The following NRG3 variants were observed in gnomAD, a reference collection of about 807,000 sequenced individuals.
NRG3 encodes the protein pro-neuregulin-3, membrane-bound isoform.
NRG3 carries 31 observed loss-of-function variants against 66.9 expected under a neutral mutation model. The ratio of observed to expected loss-of-function variants is 0.46; its 90% CI spans 0.35 to 0.63. The LOEUF is 0.63. Among genes scored for constraint, NRG3 ranks in the 20% least tolerant of loss-of-function variants. The pLI, the probability that NRG3 is intolerant of heterozygous loss-of-function variation, is 0.00. For synonymous variants in NRG3, 393 were observed against 359.4 expected (o/e 1.09, Z -1.06); for missense variants, 910 against 878.9 (o/e 1.04, Z -0.45).
intron 1 of NRG3, chr10:82,228,875 T>C (rs2076303837): frequency 6.6e-6 from 1 of 152,236 alleles, no homozygotes. Flanking sequence ...CCACTGAACG[T>C]GATGAAGCAA....
chr10:82,494,299 C>A (rs1843421722), intron 2 of NRG3, among the ~76,000 whole-genome samples: 1 of 152,168 alleles, frequency 6.6e-6, no homozygotes, highest in Non-Finnish European at 1.5e-5. Context: ...ACTTCTACCT[C>A]TCCTCCGCAA....
Position 82,985,927 on chromosome 10 carries a change from A to G in NRG3, c.*322A>G, listed in dbSNP as rs1008162970. On this transcript the variant is annotated 3_prime_UTR_variant, in exon 9 of 9. Transcript: ENST00000372141. ...CCCACAGTGCCAGTGTCTCATTAAA[A>G]AACACTGGCAGTTACCTGGTTTCAA... 2.5e-5 allele frequency: 5 copies of G among 202,644 alleles called. No individual in the cohort carries two copies. Among genetic ancestry groups the G allele is most frequent in the Non-Finnish European group, 5.0e-5 (5 of 100,546 alleles). 12.6% of individuals were successfully genotyped at this position (202,644 alleles called of 1,614,324 possible).
chr10:82,091,086 G>A (rs2065998918), intron 1 of NRG3, among the ~76,000 whole-genome samples: 1 of 151,780 alleles, frequency 6.6e-6, no homozygotes, highest in South Asian at 2.1e-4. Flanking sequence ...TTTCTCCTGA[G>A]GCAAAATTTT....
At chr10:81,973,956 G>T (rs1041761474) in intron 1 of NRG3, among the ~76,000 whole-genome samples, 2 of 151,992 alleles carry the variant, frequency 1.3e-5, no homozygotes, top group African/African-American at 4.8e-5. Context: ...AATTGCTTTT[G>T]GCATCTTCCT....
intron 2 of NRG3, among the ~76,000 whole-genome samples, chr10:82,626,694 AACATAC>A (rs2049447304): frequency 6.6e-6 from 1 of 152,152 alleles, no homozygotes; most frequent in African/African-American, 2.4e-5. Flanking sequence ...CACACCCTGC[AACATAC>A]ACACAGAATA....
intron 1 of NRG3, among the ~76,000 whole-genome samples, chr10:82,122,847 A>G (rs2068182846): frequency 6.6e-6 from 1 of 152,124 alleles, no homozygotes; most frequent in African/African-American, 2.4e-5. Flanking sequence ...TTCTGGCTCT[A>G]CAACCCAACT....
intron 1 of NRG3, among the ~76,000 whole-genome samples, chr10:82,001,967 C>G (rs1275011294): frequency 6.6e-6 from 1 of 152,088 alleles, no homozygotes; most frequent in East Asian, 1.9e-4. Context: ...TTGTTTGGAG[C>G]CCATTGCAAA....
rs1414761 is a variant in NRG3 at position 82,294,832 on chromosome 10, T to A, written c.824-63907T>A. ...ACTTGAGGAATGCAAATATTTGAGA[T>A]CTGCAGCTACAGACAAATCAATAGC... On this transcript the variant is annotated intron_variant, in intron 1 of 8. Transcript: ENST00000372141. Among the ~76,000 whole-genome samples, 722 of 152,332 alleles carry A rather than the reference T, an allele frequency of 4.7e-3. 6 individuals carry two copies. The highest frequency in any genetic ancestry group is 0.017 in the African/African-American group (692 of 41,582).
intron 1 of NRG3, among the ~76,000 whole-genome samples, chr10:81,960,480 A>G (rs1313313510): frequency 6.6e-6 from 1 of 152,126 alleles, no homozygotes; most frequent in African/African-American, 2.4e-5. Flanking sequence ...AAAGGTTTGT[A>G]ATTTTAATGT....
intron 6 of NRG3, among the ~76,000 whole-genome samples, chr10:82,972,370 C>T (rs566318248): frequency 6.6e-6 from 1 of 152,076 alleles, no homozygotes; most frequent in East Asian, 1.9e-4. Flanking sequence ...TTTTTCTTAT[C>T]AATATCTTCC....
chr10:82,742,025 T>C lies in NRG3; in HGVS notation c.1027+3375T>C, dbSNP rs572383927. ...TCATGATATCTTCAGAATGACTGTA[T>C]GCTCAGGAAATAAGCTTCCACTCAA... On this transcript the variant is annotated intron_variant, in intron 3 of 8. Transcript: ENST00000372141. Among the ~76,000 whole-genome samples, 4 of 152,230 alleles carry C rather than the reference T, an allele frequency of 2.6e-5. No homozygotes were observed. The East Asian group carries it at 5.8e-4, about 22-fold the overall frequency.
intron 1 of NRG3, among the ~76,000 whole-genome samples, chr10:82,186,866 C>T (rs1214121504): frequency 6.6e-6 from 1 of 152,138 alleles, no homozygotes; most frequent in African/African-American, 2.4e-5. Context: ...ACTTGTTTCT[C>T]TCCACATGGT....
At position 82,667,479 on chromosome 10, in the gene NRG3, T is replaced by A. The variant is rs531408965; in HGVS notation, c.954-71098T>A. On this transcript the variant is annotated intron_variant, in intron 2 of 8. Coordinates refer to ENST00000372141, the MANE Select transcript of NRG3 (RefSeq NM_001010848.4). ...ATTTGCCCAAAGTACCCGTTGACTC[T>A]AAGTAGTCTTTAGTGCGGTGCTCAA... 5.3e-5 allele frequency among the ~76,000 whole-genome samples: 8 copies of A among 152,332 alleles called. No individual in the cohort carries two copies. The East Asian group carries it at 1.5e-3, about 29-fold the overall frequency.
chr10:81,958,653 G>A (rs1448063816), intron 1 of NRG3, among the ~76,000 whole-genome samples: 2 of 152,078 alleles, frequency 1.3e-5, no homozygotes, highest in Non-Finnish European at 1.5e-5. Flanking sequence ...CTGTAATCCC[G>A]CCGAGGTGGG....
At position 82,951,797 on chromosome 10, in the gene NRG3, C is replaced by G. The variant is rs142235401; in HGVS notation, c.1157+226C>G. 4.6e-5 allele frequency among the ~76,000 whole-genome samples: 7 copies of G among 152,216 alleles called. No individual in the cohort carries two copies. In the East Asian group the frequency reaches 1.4e-3, roughly 29 times the overall value. ...CACACATGTGTGCGCGGTTTATCTA[C>G]GATGCACATAATGATCATTCCTCTC... On this transcript the variant is annotated intron_variant, in intron 5 of 8. Coordinates refer to ENST00000372141, the MANE Select transcript of NRG3 (RefSeq NM_001010848.4).
intron 1 of NRG3, among the ~76,000 whole-genome samples, chr10:82,245,347 G>A (rs892557775): frequency 1.1e-4 from 17 of 152,212 alleles, no homozygotes; most frequent in Non-Finnish European, 1.2e-4. Context: ...GGCAGTGGCT[G>A]TAAATACAGA....
chr10:82,934,298 TTTTTATAATTGGAG>T (rs1415402621), intron 4 of NRG3, among the ~76,000 whole-genome samples: 3 of 152,216 alleles, frequency 2.0e-5, no homozygotes, highest in African/African-American at 7.2e-5. Flanking sequence ...CTCTACATAC[TTTTTATAATTGGAG>T]GTTGTCTACA....
intron 2 of NRG3, among the ~76,000 whole-genome samples, chr10:82,688,777 AAAAAGAAAAG>A (rs917740810): frequency 6.6e-6 from 1 of 151,766 alleles, no homozygotes; most frequent in Non-Finnish European, 1.5e-5. Flanking sequence ...TAGAAAAAAA[AAAAAGAAAAG>A]AAAAGAAAAT....
chr10:82,007,412 G>A (rs2061416307), intron 1 of NRG3, among the ~76,000 whole-genome samples: 2 of 151,990 alleles, frequency 1.3e-5, no homozygotes, highest in Non-Finnish European at 2.9e-5. Flanking sequence ...GTTTCACAAT[G>A]TTGGCCAGAT....
Sources: gnomAD v4.1 joint callset for allele counts (sites outside exome capture counted in the v4.1 genomes callset) on GRCh38, gnomAD v4.1.1 for gene constraint, MANE v1.5 for transcripts, NCBI Gene and HGNC (gene_info 2026-07-23, HGNC 2026-07-21) for gene names.